The following KIAA1217 variants were observed in gnomAD, a reference collection of about 807,000 sequenced individuals.
KIAA1217 encodes the protein KIAA1217.
A neutral mutation model predicts 163.9 loss-of-function variants in KIAA1217; 88 were observed. The ratio of observed to expected loss-of-function variants is 0.54; its 90% CI spans 0.45 to 0.64. The LOEUF is 0.64. Among genes scored for constraint, KIAA1217 ranks in the 30% least tolerant of loss-of-function variants. KIAA1217 has a pLI of 0.00. For synonymous variants in KIAA1217, 903 were observed against 923.1 expected, an observed-to-expected ratio of 0.98 and a Z score of 0.39; for missense variants, 2,372 against 2,475.0, an observed-to-expected ratio of 0.96 and a Z score of 0.88.
At chr10:23,705,792 GAGAC>G (rs1444037331) in intron 1 of KIAA1217, among the ~76,000 whole-genome samples, 1 of 152,190 alleles carries the variant, frequency 6.6e-6, no homozygotes, top group Non-Finnish European at 1.5e-5. Flanking sequence ...AATAAACAGA[GAGAC>G]AGCGCCAGCT....
chr10:24,335,787 T>A (rs758196821), intron 2 of KIAA1217, among the ~76,000 whole-genome samples: 4 of 151,972 alleles, frequency 2.6e-5, no homozygotes, highest in East Asian at 1.9e-4. Flanking sequence ...TGTAAAAAAA[T>A]TTTGTAGACA....
At chr10:24,043,405 T>C (rs1202723977) in intron 2 of KIAA1217, among the ~76,000 whole-genome samples, 1 of 152,164 alleles carries the variant, frequency 6.6e-6, no homozygotes, top group Non-Finnish European at 1.5e-5. Context: ...TTAAAAACTA[T>C]GACAAACAAA....
intron 2 of KIAA1217, among the ~76,000 whole-genome samples, chr10:24,176,484 T>A (rs1032518951): frequency 4.6e-5 from 7 of 152,050 alleles, no homozygotes; most frequent in African/African-American, 1.7e-4. Flanking sequence ...CCCACTAGAT[T>A]AGCTAGACAC....
chr10:23,798,479 C>T (rs1197680875), intron 1 of KIAA1217, among the ~76,000 whole-genome samples: 3 of 152,104 alleles, frequency 2.0e-5, no homozygotes, highest in African/African-American at 7.2e-5. Flanking sequence ...TATGCCACTT[C>T]ACGTTAATTT....
chr10:24,024,697 T>A (rs1847869245), intron 2 of KIAA1217, among the ~76,000 whole-genome samples: 1 of 151,748 alleles, frequency 6.6e-6, no homozygotes, highest in South Asian at 2.1e-4. Flanking sequence ...TGTATGAGAA[T>A]TTCATTTGTT....
rs191837627 is a variant in KIAA1217, at chr10:23,796,679, A to G, written c.-321+101445A>G. On this transcript the variant is annotated intron_variant, in intron 1 of 18. Coordinates refer to the KIAA1217 transcript ENST00000376462. ...CGCCCGGCTGCTTTGTTTGTCTCTT[A>G]TGTTCTTTGATATCCTGGAGGGTAG... is the stretch of plus-strand genomic sequence containing the variant. Among the ~76,000 whole-genome samples, 107 of 152,068 alleles carry G rather than the reference A, an allele frequency of 7.0e-4. 2 individuals carry two copies. The highest frequency in any genetic ancestry group is 3.5e-3 in the Admixed American group (53 of 15,252).
At chr10:23,782,690 C>A (rs890006623) in intron 1 of KIAA1217, among the ~76,000 whole-genome samples, 2 of 152,114 alleles carry the variant, frequency 1.3e-5, no homozygotes, top group Non-Finnish European at 2.9e-5. Context: ...GCATGGTCCT[C>A]CCAAAGTATA....
chr10:23,717,471 T>A (rs1588654819), intron 1 of KIAA1217, among the ~76,000 whole-genome samples: 1 of 152,124 alleles, frequency 6.6e-6, no homozygotes, highest in East Asian at 1.9e-4. Context: ...GTTTTGGCCA[T>A]ACTCTCCAGA....
chr10:23,955,639 T>C (rs1419893600), intron 1 of KIAA1217, among the ~76,000 whole-genome samples: 4 of 152,146 alleles, frequency 2.6e-5, no homozygotes, highest in African/African-American at 9.7e-5. Flanking sequence ...GGTGATGATG[T>C]GGGAGGAGAT....
intron 2 of KIAA1217, among the ~76,000 whole-genome samples, chr10:24,181,365 C>T (rs1027853692): frequency 2.0e-5 from 3 of 152,090 alleles, no homozygotes; most frequent in Non-Finnish European, 1.5e-5. Flanking sequence ...AAAGGAATTA[C>T]CTGTAGAAAG....
chr10:23,746,216 C>T (rs1839407224), intron 1 of KIAA1217, among the ~76,000 whole-genome samples: 1 of 152,106 alleles, frequency 6.6e-6, no homozygotes, highest in South Asian at 2.1e-4. Context: ...GAATCTGGCA[C>T]CTCCATCCCC....
rs1001702178 is a variant in KIAA1217, at chr10:23,818,622, G to A, written c.-321+123388G>A. Among the ~76,000 whole-genome samples the A allele has an allele frequency of 3.3e-5, 5 of 152,092 alleles. No individual in the cohort carries two copies. In the East Asian group the frequency reaches 9.7e-4, roughly 30 times the overall value. ...GCGACAGAAACCAAAACCCACTTCC[G>A]TCTGCCCCAGAGCACCTTCTTGCTC... On this transcript the variant is annotated intron_variant, in intron 1 of 18. Coordinates refer to the KIAA1217 transcript ENST00000376462.
Position 24,079,295 on chromosome 10 carries a change from T to A in KIAA1217, c.-171+71921T>A, listed in dbSNP as rs1001563258. 2.6e-4 allele frequency among the ~76,000 whole-genome samples: 39 copies of A among 152,186 alleles called. 1 individual carries two copies. The highest frequency in any genetic ancestry group is 1.0e-4 in the Non-Finnish European group (7 of 68,032). On this transcript the variant is annotated intron_variant, in intron 2 of 18. Transcript: ENST00000376462. ...TGAGGTTTACAGTAGAGGCTCAGCA[T>A]CAGGGAAATGGGAGAACAGTGATCA...
In KIAA1217 at chr10:23,729,745, A is replaced by C. The variant is rs149476239; in HGVS notation, c.-321+34511A>C. 1.1e-3 allele frequency among the ~76,000 whole-genome samples: 175 copies of C among 152,176 alleles called. 11 individuals carry two copies. The East Asian group carries it at 0.027, about 23-fold the overall frequency. On this transcript the variant is annotated intron_variant, in intron 1 of 18. Coordinates refer to the KIAA1217 transcript ENST00000376462. The stretch of plus-strand genomic sequence containing the variant: ...ATTTCAGTCAGTGGCTTGTCTTCTA[A>C]ATTTCTTGACAGTGTCTTTCAAAGA...
intron 2 of KIAA1217, among the ~76,000 whole-genome samples, chr10:24,067,315 GT>G (rs1301750320): frequency 1.3e-5 from 2 of 152,148 alleles, no homozygotes; most frequent in African/African-American, 4.8e-5. Context: ...GTACTGATGG[GT>G]TTTTGGTATG....
intron 2 of KIAA1217, among the ~76,000 whole-genome samples, chr10:24,140,178 T>C (rs957945640): frequency 2.6e-5 from 4 of 151,816 alleles, no homozygotes; most frequent in Admixed American, 6.6e-5. Context: ...GCTAACACAG[T>C]GAAACCCCGT....
At chr10:24,100,071 C>T (rs2062349582) in intron 2 of KIAA1217, among the ~76,000 whole-genome samples, 1 of 151,972 alleles carries the variant, frequency 6.6e-6, no homozygotes, top group African/African-American at 2.4e-5. Flanking sequence ...TCCTCCCCTC[C>T]CTCTCCTGTC....
At chr10:24,029,425 G>A (rs978378206) in intron 2 of KIAA1217, among the ~76,000 whole-genome samples, 3 of 152,112 alleles carry the variant, frequency 2.0e-5, no homozygotes, top group African/African-American at 4.8e-5. Context: ...AGTATTCAGG[G>A]ACTGGTGTGA....
chr10:24,209,759 G>C (rs1200641694), intron 1 of KIAA1217, among the ~76,000 whole-genome samples: 2 of 152,184 alleles, frequency 1.3e-5, no homozygotes, highest in Admixed American at 1.3e-4. Flanking sequence ...TTACAGATCC[G>C]AGCAGCAGGG....
Sources: gnomAD v4.1 joint callset for allele counts (sites outside exome capture counted in the v4.1 genomes callset) on GRCh38, gnomAD v4.1.1 for gene constraint, MANE v1.5 for transcripts, NCBI Gene and HGNC (gene_info 2026-07-23, HGNC 2026-07-21) for gene names.